Variants in SORCS2 observed in about 807,000 individuals in gnomAD.
SORCS2 encodes the protein sortilin related VPS10 domain containing receptor 2, also known as VPS10 domain-containing receptor SorCS2.
In SORCS2, 100 loss-of-function variants were observed where a neutral mutation model predicts 141.6. That is an observed-to-expected ratio of 0.71 (90% confidence interval 0.60 to 0.83). The LOEUF is 0.83. SORCS2 is among the 40% of genes least tolerant of loss of function. The probability of loss-of-function intolerance (pLI) is 0.00; values close to 1 mark genes in which losing one functional copy is unlikely to be tolerated. For synonymous variants in SORCS2, 789 were observed against 676.9 expected (o/e 1.17, Z -2.57); for missense variants, 1,646 against 1,560.2 (o/e 1.05, Z -0.93).
intron 14 of SORCS2, among the ~76,000 whole-genome samples, chr4:7,707,951 C>G (rs950877727): frequency 6.6e-6 from 1 of 152,220 alleles, no homozygotes; most frequent in Non-Finnish European, 1.5e-5. Flanking sequence ...CAGGATGCTT[C>G]TCGCCAGGCT....
chr4:7,486,780 T>G (rs1038036203), intron 2 of SORCS2, among the ~76,000 whole-genome samples: 2 of 152,198 alleles, frequency 1.3e-5, no homozygotes, highest in African/African-American at 4.8e-5. Context: ...CCTCCCATGG[T>G]GTTTTCTTCC....
At chr4:7,316,294 CCAAA>C (rs1718551945) in intron 1 of SORCS2, among the ~76,000 whole-genome samples, 1 of 152,186 alleles carries the variant, frequency 6.6e-6, no homozygotes, top group African/African-American at 2.4e-5. Flanking sequence ...ATGTATCCAT[CCAAA>C]CAAACAAAAA....
chr4:7,413,391 C>CTTTTTTGTTTTTTTTT (rs1725451498), intron 2 of SORCS2, among the ~76,000 whole-genome samples: 1 of 84,836 alleles, frequency 1.2e-5, no homozygotes, highest in Non-Finnish European at 2.2e-5. Flanking sequence ...TTCACAGCTG[C>CTTTTTTGTTTTTTTTT]TTTTTTTTTT....
chr4:7,510,653 G>A (rs540428239), intron 2 of SORCS2, among the ~76,000 whole-genome samples: 1 of 150,658 alleles, frequency 6.6e-6, no homozygotes, highest in Non-Finnish European at 1.5e-5. Context: ...TCTGGGTGCG[G>A]CATGTCCTGG....
chr4:7,213,674 C>T (rs1016668058), intron 1 of SORCS2, among the ~76,000 whole-genome samples: 7 of 152,276 alleles, frequency 4.6e-5, no homozygotes, highest in South Asian at 4.1e-4. Flanking sequence ...ATGAGAAAGC[C>T]GAGGCCCAGG....
chr4:7,430,179 G>A (rs1726734607), intron 2 of SORCS2: 1 of 151,998 alleles, frequency 6.6e-6, no homozygotes, highest in Admixed American at 6.5e-5. Flanking sequence ...AGGGCTCACT[G>A]TTCCCACATT....
At chr4:7,715,480 C>T (rs1726133075) in intron 17 of SORCS2, among the ~76,000 whole-genome samples, 169 bp downstream of exon 17, 1 of 152,204 alleles carries the variant, frequency 6.6e-6, no homozygotes, top group Non-Finnish European at 1.5e-5. Flanking sequence ...CAGAGCCTGG[C>T]TGCGGTGCTC....
At position 7,405,980 on chromosome 4, in the gene SORCS2, T is replaced by C. The variant is rs896039966; in HGVS notation, c.548+9625T>C. On this transcript the variant is annotated intron_variant, in intron 2 of 26. Transcript: ENST00000507866. ...TATAATGTTGGCTGTGGGTTTGTTG[T>C]ATATAGCCTTTATTATTTTGGAGTA... Among the ~76,000 whole-genome samples, 3 of 152,260 alleles carry C rather than the reference T, an allele frequency of 2.0e-5. No homozygotes were observed. In the East Asian group the frequency reaches 5.8e-4, roughly 29 times the overall value.
intron 2 of SORCS2, among the ~76,000 whole-genome samples, chr4:7,403,274 G>C (rs1471156163): frequency 6.6e-6 from 1 of 152,292 alleles, no homozygotes; most frequent in African/African-American, 2.4e-5. Context: ...GCTTGGGTCT[G>C]CTTCATATCT....
At chr4:7,635,414 C>T (rs1720176651) in intron 3 of SORCS2, among the ~76,000 whole-genome samples, 1 of 152,172 alleles carries the variant, frequency 6.6e-6, no homozygotes. Flanking sequence ...AAGTAAATTC[C>T]TTCTAGCGCC....
intron 2 of SORCS2, among the ~76,000 whole-genome samples, chr4:7,497,586 C>A (rs1490566825): frequency 6.6e-6 from 1 of 152,254 alleles, no homozygotes; most frequent in Non-Finnish European, 1.5e-5. Flanking sequence ...TAGGACTTCC[C>A]CAGGAGTTTG....
chr4:7,202,374 G>C (rs1025269177), intron 1 of SORCS2, among the ~76,000 whole-genome samples: 1 of 152,096 alleles, frequency 6.6e-6, no homozygotes, highest in Non-Finnish European at 1.5e-5. Flanking sequence ...TGGAATAAAA[G>C]GTAAAACTCC....
intron 1 of SORCS2, among the ~76,000 whole-genome samples, chr4:7,382,315 A>G (rs896902967): frequency 6.6e-6 from 1 of 152,138 alleles, no homozygotes. Flanking sequence ...TGGGAGTGAC[A>G]TTGCCATCAT....
At chr4:7,352,604 G>A (rs2109008734) in intron 1 of SORCS2, among the ~76,000 whole-genome samples, 1 of 152,334 alleles carries the variant, frequency 6.6e-6, no homozygotes, top group Non-Finnish European at 1.5e-5. Flanking sequence ...GCTGGGAGTG[G>A]AAGGCAGCGT....
intron 1 of SORCS2, among the ~76,000 whole-genome samples, chr4:7,362,501 A>C (rs2109025890): frequency 6.6e-6 from 1 of 152,276 alleles, no homozygotes; most frequent in Middle Eastern, 3.4e-3. Context: ...AGCTGGTAGT[A>C]TGTGCTCAAC....
chr4:7,537,587 T>G (rs1240366291), intron 3 of SORCS2, among the ~76,000 whole-genome samples: 1 of 152,210 alleles, frequency 6.6e-6, no homozygotes, highest in East Asian at 1.9e-4. Flanking sequence ...TACTATGCAC[T>G]GGGTCCCTTG....
chr4:7,407,631 C>A (rs556763987), intron 2 of SORCS2, among the ~76,000 whole-genome samples: 8 of 152,196 alleles, frequency 5.3e-5, no homozygotes, highest in African/African-American at 1.9e-4. Context: ...TTTATTCATT[C>A]AGCCACTCTA....
At chr4:7,253,164 G>A (rs1713620844) in intron 1 of SORCS2, among the ~76,000 whole-genome samples, 1 of 152,254 alleles carries the variant, frequency 6.6e-6, no homozygotes, top group Non-Finnish European at 1.5e-5. Context: ...GAGGTCTCCT[G>A]AGCAGCCGGG....
chr4:7,254,068 G>A (rs760639011), intron 1 of SORCS2, among the ~76,000 whole-genome samples: 2 of 152,220 alleles, frequency 1.3e-5, no homozygotes, highest in Non-Finnish European at 2.9e-5. Flanking sequence ...CTTAGGCACC[G>A]TTGGTGGGAA....
Sources: allele counts gnomAD v4.1 joint callset (sites outside exome capture counted in the v4.1 genomes callset), GRCh38; gene constraint gnomAD v4.1.1; transcripts MANE v1.5; gene names NCBI Gene and HGNC (gene_info 2026-07-23, HGNC 2026-07-21).